Variants in DIP2C observed in about 807,000 individuals in gnomAD.
The protein encoded by DIP2C is disco-interacting protein 2 homolog C.
A neutral mutation model predicts 192.4 loss-of-function variants in DIP2C; 33 were observed. The ratio of observed to expected loss-of-function variants is 0.17; its 90% confidence interval spans 0.13 to 0.23. The LOEUF is 0.23. DIP2C is among the 10% of genes least tolerant of loss of function. The probability of loss-of-function intolerance (pLI) is 1.00; values close to 1 mark genes in which losing one functional copy is unlikely to be tolerated. For missense variants in DIP2C, 1,537 were observed against 2,110.1 expected (o/e 0.73, Z 5.32); for synonymous variants, 979 against 864.1 (o/e 1.13, Z -2.33).
intron 33 of DIP2C, 61 bp from the exon 34 acceptor site, chr10:286,408 A>C: frequency 6.9e-7 from 1 of 1,455,146 alleles, no homozygotes; most frequent in Admixed American, 1.7e-5. Flanking sequence ...ACTACACACA[A>C]GCCAACCTCA....
chr10:431,611 A>C (rs1315306947), intron 4 of DIP2C, among the ~76,000 whole-genome samples: 4 of 152,206 alleles, frequency 2.6e-5, no homozygotes, highest in Non-Finnish European at 4.4e-5. Context: ...CTTTGCTGGT[A>C]AACAGGAAAT....
chr10:423,409 G>A (rs3935081), intron 4 of DIP2C, among the ~76,000 whole-genome samples: 41,409 of 152,126 alleles, frequency 0.27, 7,125 homozygotes, highest in East Asian at 0.43. Flanking sequence ...GCGGCTCTCA[G>A]GAGTCTCAGT....
At chr10:427,736 G>A (rs1267325411) in intron 4 of DIP2C, among the ~76,000 whole-genome samples, 1 of 152,076 alleles carries the variant, frequency 6.6e-6, no homozygotes, top group Non-Finnish European at 1.5e-5. Flanking sequence ...AATTAGAATG[G>A]CAAAAATAAA....
chr10:550,514 T>C (rs1164068944), intron 1 of DIP2C, among the ~76,000 whole-genome samples: 7 of 152,104 alleles, frequency 4.6e-5, no homozygotes, highest in Admixed American at 3.9e-4. Flanking sequence ...CTACTGAAGT[T>C]TTACTCTGTT....
chr10:428,823 C>G (rs1434500775), intron 4 of DIP2C, among the ~76,000 whole-genome samples: 1 of 152,126 alleles, frequency 6.6e-6, no homozygotes, highest in Non-Finnish European at 1.5e-5. Flanking sequence ...CTCTGGTCTT[C>G]ACTTTGGTTA....
chr10:607,156 T>C (rs2131736412), intron 1 of DIP2C, among the ~76,000 whole-genome samples: 1 of 152,322 alleles, frequency 6.6e-6, no homozygotes, highest in East Asian at 1.9e-4. Context: ...CCGCTGAGAT[T>C]TCCAAAGCTC....
rs571876332 is a variant in DIP2C at position 390,860 on chromosome 10, C to A, written c.1264G>T (p.Ala422Ser). 7.3e-5 allele frequency: 117 copies of A among 1,613,718 alleles called. 2 individuals are homozygous for A. Among genetic ancestry groups the A allele is most frequent in the South Asian group, 3.4e-4 (31 of 91,056 alleles). ...PIEVPLTRKD[A>S]GSQQIGFLLG... The stretch of plus-strand genomic sequence containing the variant: ...AAGAAACCTATCTGCTGGCTCCCTG[C>A]GTCCTGAGAGGGCAACAGAGAGGAG... The change falls in exon 11 of 37, where the codon GCA (alanine) becomes TCA (serine). Residue 422 changes from alanine to serine, a missense_variant. Ala to Ser is a moderately conservative substitution (Grantham distance 99, BLOSUM62 1). Coordinates refer to ENST00000280886, the MANE Select transcript of DIP2C (RefSeq NM_014974.3).
chr10:600,755 T>C (rs966426483), intron 1 of DIP2C, among the ~76,000 whole-genome samples: 6 of 152,184 alleles, frequency 3.9e-5, no homozygotes, highest in Non-Finnish European at 7.3e-5. Context: ...AACTATTCAG[T>C]GAGGTTGGAG....
At chr10:598,435 A>AACCAAC (rs1283119390) in intron 1 of DIP2C, among the ~76,000 whole-genome samples, 2 of 152,192 alleles carry the variant, frequency 1.3e-5, no homozygotes, top group African/African-American at 4.8e-5. Flanking sequence ...CAGCCCACAA[A>AACCAAC]ACCGACATGC....
chr10:468,219 T>A (rs1970379321), intron 3 of DIP2C, among the ~76,000 whole-genome samples: 1 of 152,200 alleles, frequency 6.6e-6, no homozygotes, highest in African/African-American at 2.4e-5. Flanking sequence ...ATACTCTAAG[T>A]AAATTATAGT....
intron 19 of DIP2C, 88 bp downstream of exon 19, chr10:366,187 A>G (rs1960175820): frequency 6.5e-7 from 1 of 1,536,636 alleles, no homozygotes; most frequent in Non-Finnish European, 8.8e-7. Flanking sequence ...TGGATCTTAC[A>G]TTCCACGTCT....
At chr10:383,926 A>G in intron 16 of DIP2C, 101 bp downstream of exon 16, 2 of 1,375,024 alleles carry the variant, frequency 1.5e-6, no homozygotes, top group Non-Finnish European at 9.4e-7. Context: ...AAACCTGGGG[A>G]AAAAATAAAA....
intron 1 of DIP2C, among the ~76,000 whole-genome samples, chr10:674,789 T>TATATATATATATATATATAGAGAG: frequency 2.7e-4 from 17 of 62,470 alleles, no homozygotes; most frequent in African/African-American, 9.1e-4. Flanking sequence ...TATATATATA[T>TATATATATATATATATATAGAGAG]AGAGAGAGAG....
In DIP2C at chr10:565,946, C is replaced by G. The variant is rs115235532; in HGVS notation, c.86-79416G>C. On this transcript the variant is annotated intron_variant, in intron 1 of 36. Coordinates refer to ENST00000280886, the MANE Select transcript of DIP2C (RefSeq NM_014974.3). ...GCTTTGATTTGCTGTTTCAGATCCA[C>G]GTCACCCACTCTCCTGCTGGAGGCA... Among the ~76,000 whole-genome samples, 535 of 152,286 alleles carry G rather than the reference C, an allele frequency of 3.5e-3. 3 individuals are homozygous for G. The highest frequency in any genetic ancestry group is 0.012 in the African/African-American group (510 of 41,554).
intron 1 of DIP2C, among the ~76,000 whole-genome samples, chr10:645,747 TTGA>T (rs1393500090): frequency 2.6e-5 from 4 of 152,238 alleles, no homozygotes; most frequent in African/African-American, 9.6e-5. Context: ...CATGAATATG[TTGA>T]TAACGTTTAT....
At chr10:513,789 A>G (rs565728800) in intron 1 of DIP2C, among the ~76,000 whole-genome samples, 73 of 152,288 alleles carry the variant, frequency 4.8e-4, no homozygotes, top group Middle Eastern at 3.4e-3. Flanking sequence ...TGGCAATTTT[A>G]AAAGTCTCAT....
intron 3 of DIP2C, among the ~76,000 whole-genome samples, chr10:469,291 A>G (rs76299447): frequency 2.7e-5 from 4 of 148,970 alleles, no homozygotes; most frequent in East Asian, 2.0e-4. Context: ...TCTTTTGAGC[A>G]TTTCTCAAAT....
chr10:445,975 G>T (rs140143259), intron 3 of DIP2C, among the ~76,000 whole-genome samples: 4 of 127,000 alleles, frequency 3.1e-5, no homozygotes, highest in Non-Finnish European at 6.1e-5. Flanking sequence ...AGAGTCTCAC[G>T]GTCCACTGGG....
intron 3 of DIP2C, among the ~76,000 whole-genome samples, chr10:464,017 C>T (rs559244835): frequency 3.9e-5 from 6 of 152,158 alleles, no homozygotes; most frequent in East Asian, 3.9e-4. Flanking sequence ...AAAACTTAAA[C>T]GTAAGACGTA....
Sources: gnomAD v4.1 joint callset for allele counts (sites outside exome capture counted in the v4.1 genomes callset) on GRCh38, gnomAD v4.1.1 for gene constraint, MANE v1.5 for transcripts, NCBI Gene and HGNC (gene_info 2026-07-23, HGNC 2026-07-21) for gene names.